Variants in CLSTN1 observed in about 807,000 individuals in gnomAD.
The protein encoded by CLSTN1 is calsyntenin 1, also known as calsyntenin-1.
CLSTN1 carries 28 observed loss-of-function variants against 108.3 expected under a neutral mutation model. That is an observed-to-expected ratio of 0.26 (90% CI 0.19 to 0.35). The LOEUF (loss-of-function observed/expected upper bound fraction) is 0.35. Among genes scored for constraint, CLSTN1 ranks in the 10% least tolerant of loss-of-function variants. The pLI is 1.00. For synonymous variants in CLSTN1, 524 were observed against 534.9 expected, an observed-to-expected ratio of 0.98 and a Z score of 0.28; for missense variants, 1,157 against 1,302.6, an observed-to-expected ratio of 0.89 and a Z score of 1.72.
chr1:9,772,893 C>T (rs1298192478), intron 2 of CLSTN1, among the ~76,000 whole-genome samples: 2 of 152,158 alleles, frequency 1.3e-5, no homozygotes, highest in Admixed American at 1.3e-4. Context: ...GGACCAGCAA[C>T]ACCAGCAGTA....
At chr1:9,753,327 G>A (rs1651647459) in intron 4 of CLSTN1, among the ~76,000 whole-genome samples, 2 of 152,070 alleles carry the variant, frequency 1.3e-5, no homozygotes, top group Admixed American at 6.6e-5. Flanking sequence ...TTCCTAACAG[G>A]CCACGGACCA....
Position 9,759,806 on chromosome 1 carries a change from T to C in CLSTN1, c.215-3296A>G, listed in dbSNP as rs139334173. Among the ~76,000 whole-genome samples, 663 of 152,322 alleles carry C rather than the reference T, an allele frequency of 4.4e-3. 12 individuals are homozygous for C. The highest frequency in any genetic ancestry group is 0.043 in the East Asian group (223 of 5,186). ...AGAGACACCCACGAGTAAAACTGCC[T>C]GGTATCAGATGTGTCCAAATGTTTT... On this transcript the variant is annotated intron_variant, in intron 2 of 18. Transcript: ENST00000377298.
chr1:9,812,396 C>T (rs1654797021), intron 1 of CLSTN1, among the ~76,000 whole-genome samples: 1 of 152,144 alleles, frequency 6.6e-6, no homozygotes, highest in African/African-American at 2.4e-5. Flanking sequence ...ATGCAGCTGA[C>T]AAGAGACACA....
At chr1:9,753,925 G>A (rs1309155566) in intron 4 of CLSTN1, among the ~76,000 whole-genome samples, 28 of 151,908 alleles carry the variant, frequency 1.8e-4, no homozygotes, top group Non-Finnish European at 1.0e-4. Flanking sequence ...CAATCCTCCC[G>A]CCTTAGCCTC....
intron 2 of CLSTN1, among the ~76,000 whole-genome samples, chr1:9,772,078 G>A (rs1006076452): frequency 2.8e-5 from 4 of 144,036 alleles, no homozygotes; most frequent in East Asian, 2.0e-4. Flanking sequence ...CTGGGTTCAC[G>A]CCATTCTCCT....
In CLSTN1 at chr1:9,773,262, C is replaced by T; in HGVS notation, c.214+10G>A. ...GATTCATCAAGAGTCAATGAAAGCC[C>T]CGTTCCTACCTGCAAATCGCAGAGG... On this transcript the variant is annotated intron_variant, in intron 2 of 18. Transcript: ENST00000377298. 6.2e-7 allele frequency: 1 copy of T among 1,613,782 alleles called. No homozygotes were observed. The highest frequency in any genetic ancestry group is 1.1e-5 in the South Asian group (1 of 91,036).
intron 1 of CLSTN1, among the ~76,000 whole-genome samples, chr1:9,804,231 C>T (rs1350330662): frequency 6.6e-6 from 1 of 151,854 alleles, no homozygotes; most frequent in East Asian, 1.9e-4. Context: ...GGCGTGGTGG[C>T]GGGCGCCTGT....
chr1:9,761,614 G>A (rs557924179), intron 2 of CLSTN1, among the ~76,000 whole-genome samples: 2 of 152,262 alleles, frequency 1.3e-5, no homozygotes, highest in East Asian at 1.9e-4. Flanking sequence ...AAAGTCACGT[G>A]CAGGGTTCTC....
upstream of CLSTN1, chr1:9,824,286 C>G (rs1655326105): frequency 6.6e-6 from 1 of 151,942 alleles, no homozygotes; most frequent in Admixed American, 6.5e-5. The surrounding 1 kb of genome is among the most constrained non-coding windows in gnomAD (Gnocchi z 5.0). Context: ...AACTCCGCGT[C>G]CCTACGCGCG....
chr1:9,798,278 T>G (rs929676584), intron 1 of CLSTN1, among the ~76,000 whole-genome samples: 2 of 152,154 alleles, frequency 1.3e-5, no homozygotes, highest in African/African-American at 4.8e-5. Flanking sequence ...CAAATACTTA[T>G]GAATGAATCA....
rs775774857 is a variant in CLSTN1 at position 9,736,063 on chromosome 1, G to A, written c.1577-21C>T. 8 of 1,613,984 alleles carry A rather than the reference G, an allele frequency of 5.0e-6. 1 individual carries two copies. The South Asian group carries it at 6.6e-5, about 13-fold the overall frequency. Reference sequence around the variant, plus strand: ...GCCACCTTTGGGTCAGGGGAGAAAAGGCGAAGTCAGGCGTGCAACCCAGCA... The same window carrying A: ...GCCACCTTTGGGTCAGGGGAGAAAAAGCGAAGTCAGGCGTGCAACCCAGCA... On this transcript the variant is annotated intron_variant, in intron 11 of 18. Coordinates refer to ENST00000377298, the MANE Select transcript of CLSTN1 (RefSeq NM_001009566.3).
intron 7 of CLSTN1, among the ~76,000 whole-genome samples, chr1:9,747,949 C>G (rs367639465): frequency 6.6e-6 from 1 of 150,948 alleles, no homozygotes; most frequent in Non-Finnish European, 1.5e-5. Flanking sequence ...GAGGCTGAGG[C>G]GGGAGAATGG....
chr1:9,791,049 G>A (rs966290707), intron 1 of CLSTN1, among the ~76,000 whole-genome samples: 4 of 150,118 alleles, frequency 2.7e-5, no homozygotes, highest in African/African-American at 4.9e-5. Flanking sequence ...GGAGAATGGC[G>A]TGAACCCGGG....
intron 1 of CLSTN1, among the ~76,000 whole-genome samples, chr1:9,816,695 G>A (rs1654986985): frequency 6.6e-6 from 1 of 152,060 alleles, no homozygotes; most frequent in Admixed American, 6.6e-5. Flanking sequence ...TGCCCAGGCT[G>A]GAGTGCAATG....
At position 9,736,029 on chromosome 1, in the gene CLSTN1, G is replaced by A; in HGVS notation, c.1590C>T (p.His530=). 6.2e-7 allele frequency: 1 copy of A among 1,614,186 alleles called. No individual in the cohort carries two copies. The highest frequency in any genetic ancestry group is 8.5e-7 in the Non-Finnish European group (1 of 1,180,038). Residue 530 remains histidine (H), a synonymous_variant, in exon 12 of 19, where the codon CAC becomes CAT. Transcript: ENST00000377298. ...GATTGCCTCGGAAAAACTGGGTCAT[G>A]TGCAGGTCGCCACCTTTGGGTCAGG... is the stretch of plus-strand genomic sequence containing the variant. The part of the protein sequence containing the change: ...VTVASAGGDL[H]MTQFFRGNLA...
chr1:9,800,405 T>C (rs1286917921), intron 1 of CLSTN1, among the ~76,000 whole-genome samples: 1 of 151,530 alleles, frequency 6.6e-6, no homozygotes, highest in African/African-American at 2.4e-5. Context: ...AACACCGCTA[T>C]AAGACCCCAT....
At chr1:9,773,898 TA>T (rs148030965) in intron 1 of CLSTN1, among the ~76,000 whole-genome samples, 2 of 150,688 alleles carry the variant, frequency 1.3e-5, no homozygotes, top group African/African-American at 4.9e-5. Context: ...ATACTTGACT[TA>T]TTTTTTTTTT....
At chr1:9,750,131 C>T (rs576438604) in intron 5 of CLSTN1, 155 of 501,582 alleles carry the variant, frequency 3.1e-4, no homozygotes, top group Non-Finnish European at 2.8e-4. Flanking sequence ...GACGGAGCTA[C>T]ACAGCTCAGT....
At chr1:9,740,161 C>T (rs1324205353) in intron 10 of CLSTN1, among the ~76,000 whole-genome samples, 1 of 150,854 alleles carries the variant, frequency 6.6e-6, no homozygotes. Context: ...CTGGGTTCAA[C>T]CGATTCTCCT....
Sources: allele counts gnomAD v4.1 joint callset (sites outside exome capture counted in the v4.1 genomes callset), GRCh38; gene constraint gnomAD v4.1.1; non-coding constraint Gnocchi (gnomAD v3.1); transcripts MANE v1.5; gene names NCBI Gene and HGNC (gene_info 2026-07-23, HGNC 2026-07-21).